The following SPRED2 variants were observed in gnomAD, a reference collection of about 807,000 sequenced individuals.
SPRED2 encodes sprouty-related, EVH1 domain-containing protein 2.
Under a neutral mutation model 43.0 loss-of-function variants are expected in SPRED2, and 47 were observed. The ratio of observed to expected loss-of-function variants is 1.09; its 90% confidence interval spans 0.87 to 1.40. The LOEUF (loss-of-function observed/expected upper bound fraction) is 1.40. Among genes scored for constraint, SPRED2 ranks in the 40% most tolerant of loss-of-function variants. SPRED2 has a pLI of 0.00. For synonymous variants in SPRED2, 225 were observed against 225.7 expected, an observed-to-expected ratio of 1.00 and a Z score of 0.03; for missense variants, 561 against 586.4, an observed-to-expected ratio of 0.96 and a Z score of 0.45.
At position 65,311,773 on chromosome 2, in the gene SPRED2, C is replaced by T. The variant is rs1673074363; in HGVS notation, c.*1728G>A. 2 of 985,398 alleles carry T rather than the reference C, an allele frequency of 2.0e-6. No individual in the cohort carries two copies. Among genetic ancestry groups the T allele is most frequent in the Non-Finnish European group, 1.2e-6 (1 of 829,936 alleles). The allele number at this position is 985,398 out of a possible 1,614,324, so 61.0% of individuals were successfully genotyped here. On this transcript the variant is annotated 3_prime_UTR_variant, in exon 6 of 6. Transcript: ENST00000356388. Reference sequence around the variant, plus strand: ...TCATAAGCACACTGGGTATTTACACCGGTAATCTACTAAAGAAAATCGATG... The same window carrying T: ...TCATAAGCACACTGGGTATTTACACTGGTAATCTACTAAAGAAAATCGATG...
chr2:65,401,605 C>A (rs1312154799), intron 1 of SPRED2, among the ~76,000 whole-genome samples: 1 of 151,350 alleles, frequency 6.6e-6, no homozygotes, highest in African/African-American at 2.4e-5. Flanking sequence ...ACCATCCTGG[C>A]TAACACGGTG....
rs70943650 is a variant in SPRED2, at chr2:65,407,245, C to CTTTTT, written c.26+24712_26+24716dup. Among the ~76,000 whole-genome samples, 7 of 120,942 alleles carry CTTTTT rather than the reference C, an allele frequency of 5.8e-5. 1 individual carries two copies. Among genetic ancestry groups the CTTTTT allele is most frequent in the African/African-American group, 1.0e-4 (3 of 29,118 alleles). 79.3% of individuals were successfully genotyped at this position (120,942 alleles called of 152,430 possible). On this transcript the variant is annotated intron_variant, in intron 1 of 5. Coordinates refer to ENST00000356388, the MANE Select transcript of SPRED2 (RefSeq NM_181784.3). ...TCTTTCTCAAATGGGGCGCTGGCTC[C>CTTTTT]TTTTTTTTTTTTTGCTAAAAGTCCC...
chr2:65,329,838 G>A (rs1249068248), intron 4 of SPRED2, among the ~76,000 whole-genome samples: 1 of 152,196 alleles, frequency 6.6e-6, no homozygotes, highest in Non-Finnish European at 1.5e-5. Context: ...AGCACTATAG[G>A]AAGTCTGTTG....
chr2:65,425,229 T>A (rs978409544), intron 1 of SPRED2, among the ~76,000 whole-genome samples: 1 of 152,168 alleles, frequency 6.6e-6, no homozygotes, highest in African/African-American at 2.4e-5. Context: ...AACAACCAGA[T>A]CTGAAAAATC....
chr2:65,329,836 A>G (rs1029688739), intron 4 of SPRED2, among the ~76,000 whole-genome samples: 1 of 152,336 alleles, frequency 6.6e-6, no homozygotes, highest in African/African-American at 2.4e-5. Context: ...GGAGCACTAT[A>G]GGAAGTCTGT....
downstream of SPRED2, chr2:65,308,385 G>C: frequency 4.1e-6 from 4 of 985,454 alleles, no homozygotes; most frequent in Non-Finnish European, 4.8e-6. Flanking sequence ...GCCGTCCTTG[G>C]AGCTGTGAAC....
At chr2:65,366,885 T>A (rs1674994828) in intron 1 of SPRED2, 1 of 734,744 alleles carries the variant, frequency 1.4e-6, no homozygotes, top group Non-Finnish European at 1.9e-6. Flanking sequence ...AGCTGACAGA[T>A]GCGTTTTCCA....
Position 65,334,772 on chromosome 2 carries a change from A to G in SPRED2, c.206T>C (p.Val69Ala). ...IHGERQKDKL[V>A]VLECYVRKDL... The stretch of plus-strand genomic sequence containing the variant: ...CTTTCTTACATAGCATTCCAATACC[A>G]CCTGAAGGATGGAAACACACAGGCT... Residue 69 changes from valine (V) to alanine (A), a missense_variant and splice_region_variant, in exon 3 of 6, where the codon GTG becomes GCG. Val to Ala is a moderately conservative substitution (Grantham distance 64). Coordinates refer to ENST00000356388, the MANE Select transcript of SPRED2 (RefSeq NM_181784.3). The G allele has an allele frequency of 6.2e-7, 1 of 1,614,030 alleles. No individual in the cohort carries two copies. Among genetic ancestry groups the G allele is most frequent in the Non-Finnish European group, 8.5e-7 (1 of 1,179,974 alleles).
intron 1 of SPRED2, among the ~76,000 whole-genome samples, chr2:65,393,177 T>A (rs1675676534): frequency 6.6e-6 from 1 of 152,140 alleles, no homozygotes; most frequent in Admixed American, 6.5e-5. Flanking sequence ...ATAGATGCAG[T>A]ACTATTGTAA....
At chr2:65,405,681 C>A (rs751150258) in intron 1 of SPRED2, among the ~76,000 whole-genome samples, 4 of 152,194 alleles carry the variant, frequency 2.6e-5, no homozygotes, top group African/African-American at 7.2e-5. Flanking sequence ...TACGGCACTG[C>A]AATCCTCTTT....
intron 1 of SPRED2, among the ~76,000 whole-genome samples, chr2:65,370,101 T>C (rs989890911): frequency 6.6e-6 from 1 of 152,246 alleles, no homozygotes; most frequent in African/African-American, 2.4e-5. Flanking sequence ...TGTGTAGTGG[T>C]ATAAAGCATG....
At chr2:65,314,675 T>A (rs1185763356) in intron 5 of SPRED2, among the ~76,000 whole-genome samples, 2 of 152,226 alleles carry the variant, frequency 1.3e-5, no homozygotes, top group Non-Finnish European at 2.9e-5. Context: ...GCTGGCTTTT[T>A]AAAAATTGAA....
chr2:65,416,798 G>A (rs1489524155), intron 1 of SPRED2, among the ~76,000 whole-genome samples: 1 of 152,130 alleles, frequency 6.6e-6, no homozygotes, highest in Non-Finnish European at 1.5e-5. Flanking sequence ...CTGTGTCTTG[G>A]TTTGGGGACT....
chr2:65,329,581 C>T (rs1298095287), intron 4 of SPRED2, among the ~76,000 whole-genome samples: 2 of 152,320 alleles, frequency 1.3e-5, no homozygotes, highest in East Asian at 3.9e-4. Flanking sequence ...TAGAGTAGCA[C>T]ATGGATCCCC....
At chr2:65,348,554 G>A (rs2104279878) in intron 1 of SPRED2, among the ~76,000 whole-genome samples, 1 of 152,242 alleles carries the variant, frequency 6.6e-6, no homozygotes, top group East Asian at 1.9e-4. Flanking sequence ...TGTAATCCCA[G>A]CACTTTGGGA....
At chr2:65,352,245 A>G (rs924641162) in intron 1 of SPRED2, among the ~76,000 whole-genome samples, 1 of 152,264 alleles carries the variant, frequency 6.6e-6, no homozygotes, top group Non-Finnish European at 1.5e-5. Context: ...ACTGTGAGGC[A>G]GAGAAGAGAT....
At chr2:65,416,634 G>A (rs1676281246) in intron 1 of SPRED2, among the ~76,000 whole-genome samples, 1 of 152,188 alleles carries the variant, frequency 6.6e-6, no homozygotes, top group South Asian at 2.1e-4. Context: ...CAAGTTTCCT[G>A]TCCTACACAA....
Position 65,344,704 on chromosome 2 carries a change from T to C in SPRED2, c.204+15A>G, listed in dbSNP as rs756627664. 6 of 1,613,160 alleles carry C rather than the reference T, an allele frequency of 3.7e-6. No individual in the cohort carries two copies. Among genetic ancestry groups the C allele is most frequent in the South Asian group, 1.1e-5 (1 of 90,984 alleles). On this transcript the variant is annotated intron_variant, in intron 2 of 5. Coordinates refer to ENST00000356388, the MANE Select transcript of SPRED2 (RefSeq NM_181784.3). ...TGTTACTAATTTAACCCACGAGTTG[T>C]ATGTCTGCCATTACCAGTTTGTCTT...
rs1420855463 is a variant in SPRED2, at chr2:65,431,906, C to T, written c.26+56G>A. 2.9e-5 allele frequency: 46 copies of T among 1,603,302 alleles called. 1 individual carries two copies. In the East Asian group the frequency reaches 8.5e-4, roughly 30 times the overall value. ...GCGTCCCCGCCCGCATCCTCAGCCC[C>T]GGCCCCCACGCTGCCCCTGAGGGGC... is the stretch of plus-strand genomic sequence containing the variant. On this transcript the variant is annotated intron_variant, in intron 1 of 5. Coordinates refer to ENST00000356388, the MANE Select transcript of SPRED2 (RefSeq NM_181784.3).
Sources: allele counts gnomAD v4.1 joint callset (sites outside exome capture counted in the v4.1 genomes callset), GRCh38; gene constraint gnomAD v4.1.1; transcripts MANE v1.5; gene names NCBI Gene and HGNC (gene_info 2026-07-23, HGNC 2026-07-21).